The following WDTC1 variants were observed in gnomAD, a reference collection of about 807,000 sequenced individuals.
WDTC1 encodes WD and tetratricopeptide repeats protein 1.
Under a neutral mutation model 76.0 loss-of-function variants are expected in WDTC1, and 12 were observed. That is an observed-to-expected ratio of 0.16 (90% confidence interval 0.10 to 0.26). The LOEUF (loss-of-function observed/expected upper bound fraction) is 0.26. WDTC1 is among the 10% of genes least tolerant of loss of function. WDTC1 has a pLI of 1.00. For missense variants in WDTC1, 511 were observed against 908.8 expected (o/e 0.56, Z 5.63); for synonymous variants, 326 against 350.8 (o/e 0.93, Z 0.79).
chr1:27,255,219 A>C (rs2147923014), intron 1 of WDTC1, among the ~76,000 whole-genome samples: 1 of 152,300 alleles, frequency 6.6e-6, no homozygotes, highest in Non-Finnish European at 1.5e-5. Context: ...AAAATTAATG[A>C]ATAAGTCATG....
chr1:27,240,092 T>C (rs1001989951), intron 1 of WDTC1, among the ~76,000 whole-genome samples: 1 of 152,082 alleles, frequency 6.6e-6, no homozygotes, highest in Non-Finnish European at 1.5e-5. Flanking sequence ...GGTTTCACCA[T>C]GTTGGCCAAG....
intron 1 of WDTC1, among the ~76,000 whole-genome samples, chr1:27,260,364 C>T (rs941257604): frequency 2.6e-5 from 4 of 152,196 alleles, no homozygotes; most frequent in East Asian, 1.9e-4. Context: ...CTCGGCCTCC[C>T]GAAGTTCTGG....
rs2013872411 is a variant in WDTC1, at chr1:27,303,192, T to G, written c.1469-429T>G. On this transcript the variant is annotated intron_variant, in intron 13 of 15. Coordinates refer to ENST00000319394, the MANE Select transcript of WDTC1 (RefSeq NM_001276252.2). The surrounding 1 kb of genome is among the most constrained non-coding windows in gnomAD (Gnocchi z 4.8). ...AGGAGGCTGAGGCAGGAGAATCGCT[T>G]GAACCTTGGAGGTGGAGGTTGCAGT... Among the ~76,000 whole-genome samples, 1 of 151,424 alleles carries G rather than the reference T, an allele frequency of 6.6e-6. No individual in the cohort carries two copies. The highest frequency in any genetic ancestry group is 6.6e-5 in the Admixed American group (1 of 15,198).
intron 1 of WDTC1, among the ~76,000 whole-genome samples, chr1:27,253,395 C>CCCCCT (rs1553128539): frequency 9.3e-5 from 5 of 54,038 alleles, no homozygotes; most frequent in African/African-American, 4.9e-4. Flanking sequence ...TTCTTCCCCT[C>CCCCCT]CCCCTCCCCC....
At chr1:27,265,071 T>C (rs893270353) in intron 3 of WDTC1, among the ~76,000 whole-genome samples, 4 of 152,198 alleles carry the variant, frequency 2.6e-5, no homozygotes, top group African/African-American at 9.6e-5. Context: ...CCCAAAGTGC[T>C]TGGATTACAG....
chr1:27,269,164 CAAAAAAAAAA>C (rs34447091), intron 3 of WDTC1, among the ~76,000 whole-genome samples: 13,132 of 59,032 alleles, frequency 0.22, 1,011 homozygotes, highest in South Asian at 0.42. Flanking sequence ...CCTGTTTCTC[CAAAAAAAAAA>C]AAAAAAAAAA....
chr1:27,294,621 G>A lies in WDTC1; in HGVS notation c.865G>A (p.Gly289Arg). Residue 289 changes from glycine to arginine, a missense_variant, in exon 9 of 16, where the codon GGG becomes AGG. Transcript: ENST00000319394. The stretch of plus-strand genomic sequence containing the variant: ...CACAGAGCTACTAGTCAACATGGGG[G>A]GGGAACAGGTATGTACAGCATAAGG... Reference protein sequence around the residue: ...NGTELLVNMGGEQVYLFDLTY... With the variant: ...NGTELLVNMGREQVYLFDLTY... 1 of 1,613,932 alleles carries A rather than the reference G, an allele frequency of 6.2e-7. No individual in the cohort carries two copies. The highest frequency in any genetic ancestry group is 8.5e-7 in the Non-Finnish European group (1 of 1,179,870).
chr1:27,275,656 A>T (rs2013003280), intron 3 of WDTC1, among the ~76,000 whole-genome samples: 1 of 150,772 alleles, frequency 6.6e-6, no homozygotes, highest in African/African-American at 2.4e-5. Flanking sequence ...TGGAGCGGGG[A>T]TCTGACTTTG....
rs1245631100 is a variant in WDTC1, at chr1:27,306,700, G to T, written c.*317G>T. ...TGCCTCAAAACCCCTTCTGCCTCAG[G>T]TGGGGAGGAACAAGCTGAACTGTCT... On this transcript the variant is annotated 3_prime_UTR_variant, in exon 16 of 16. Transcript: ENST00000319394. This position sits in a 1 kb window ranked among gnomAD's most constrained non-coding sequence, Gnocchi z 5.0. 3 of 401,288 alleles carry T rather than the reference G, an allele frequency of 7.5e-6. No individual in the cohort carries two copies. Among genetic ancestry groups the T allele is most frequent in the Non-Finnish European group, 1.4e-5 (3 of 216,820 alleles). 24.9% of individuals were successfully genotyped at this position (401,288 alleles called of 1,614,324 possible).
chr1:27,263,094 C>T lies in WDTC1; in HGVS notation c.49-58C>T. 1.9e-6 allele frequency: 3 copies of T among 1,576,618 alleles called. No homozygotes were observed. In the South Asian group the frequency reaches 3.3e-5, roughly 17 times the overall value. On this transcript the variant is annotated intron_variant, in intron 2 of 15. Coordinates refer to ENST00000319394, the MANE Select transcript of WDTC1 (RefSeq NM_001276252.2). ...GAAAGAGCTGGATATATAATAGGCA[C>T]ATAATAAATCATATTTAATTGAATC... is the stretch of plus-strand genomic sequence containing the variant.
At chr1:27,247,816 T>C (rs188608542) in intron 1 of WDTC1, among the ~76,000 whole-genome samples, 10 of 152,026 alleles carry the variant, frequency 6.6e-5, no homozygotes, top group Admixed American at 6.6e-4. Flanking sequence ...CCTCCCGGGT[T>C]CAAGTGATTC....
chr1:27,275,749 T>C (rs2147951754), intron 3 of WDTC1, among the ~76,000 whole-genome samples: 1 of 152,304 alleles, frequency 6.6e-6, no homozygotes, highest in African/African-American at 2.4e-5. Flanking sequence ...GAATGTCGCC[T>C]GTTTGCTTGT....
rs915367310 is a variant in WDTC1 at position 27,301,984 on chromosome 1, A to T, written c.1468+523A>T. Among the ~76,000 whole-genome samples the T allele has an allele frequency of 1.7e-4, 26 of 152,232 alleles. No individual in the cohort carries two copies. The highest frequency in any genetic ancestry group is 6.3e-4 in the African/African-American group (26 of 41,542). On this transcript the variant is annotated intron_variant, in intron 13 of 15. Transcript: ENST00000319394. This position sits in a 1 kb window ranked among gnomAD's most constrained non-coding sequence, Gnocchi z 5.8. ...GCCTTGAAGAAAGCACAGCCTCTCTACCTACCTGCACAAAGAGCACGAAGC... is the reference window on the plus strand; with the variant it reads ...GCCTTGAAGAAAGCACAGCCTCTCTTCCTACCTGCACAAAGAGCACGAAGC...
intron 3 of WDTC1, among the ~76,000 whole-genome samples, chr1:27,268,522 G>A (rs1275324954): frequency 6.6e-6 from 1 of 151,860 alleles, no homozygotes; most frequent in Non-Finnish European, 1.5e-5. Flanking sequence ...AGGTTCAAGT[G>A]ATTCTCCTGC....
At chr1:27,253,514 C>A (rs1357925203) in intron 1 of WDTC1, among the ~76,000 whole-genome samples, 1 of 129,942 alleles carries the variant, frequency 7.7e-6, no homozygotes, top group Non-Finnish European at 1.6e-5. Flanking sequence ...TTCTTTCTTT[C>A]TTTTTTTTTT....
chr1:27,289,102 T>C (rs71514287), intron 6 of WDTC1, among the ~76,000 whole-genome samples: 105,485 of 121,760 alleles, frequency 0.87, 46,119 homozygotes, highest in East Asian at 0.96. Flanking sequence ...ACCTCCCTCC[T>C]GGACGGGGCG....
intron 1 of WDTC1, among the ~76,000 whole-genome samples, chr1:27,255,095 C>G (rs186635858): frequency 2.4e-4 from 37 of 152,194 alleles, no homozygotes; most frequent in African/African-American, 8.7e-4. Context: ...GCTAAAAACC[C>G]CTTCTCTTTG....
intron 1 of WDTC1, among the ~76,000 whole-genome samples, chr1:27,253,779 C>T (rs2012180409): frequency 2.0e-5 from 3 of 152,156 alleles, no homozygotes; most frequent in African/African-American, 7.2e-5. Context: ...AATTTGCATA[C>T]TGCACCAGGT....
intron 5 of WDTC1, among the ~76,000 whole-genome samples, chr1:27,286,707 C>CCGCCT (rs2013351249): frequency 6.6e-6 from 1 of 151,786 alleles, no homozygotes; most frequent in Non-Finnish European, 1.5e-5. Flanking sequence ...TGTGATCTGC[C>CCGCCT]CGCCTCAGCC....
Sources: allele counts gnomAD v4.1 joint callset (sites outside exome capture counted in the v4.1 genomes callset), GRCh38; gene constraint gnomAD v4.1.1; non-coding constraint Gnocchi (gnomAD v3.1); transcripts MANE v1.5; gene names NCBI Gene and HGNC (gene_info 2026-07-23, HGNC 2026-07-21).